The following TCERG1L variants were observed in gnomAD, a reference collection of about 807,000 sequenced individuals.
The protein encoded by TCERG1L is transcription elongation regulator 1 like.
TCERG1L carries 37 observed loss-of-function variants against 56.3 expected under a neutral mutation model. The ratio of observed to expected loss-of-function variants is 0.66; its 90% CI spans 0.51 to 0.87. The LOEUF (loss-of-function observed/expected upper bound fraction) is 0.87, where lower values mean the gene tolerates loss of function less well. Ranked by LOEUF, TCERG1L falls within the 40% of genes least tolerant of loss-of-function variation. The pLI, the probability that TCERG1L is intolerant of heterozygous loss-of-function variation, is 0.00. For synonymous variants in TCERG1L, 324 were observed against 326.3 expected (o/e 0.99, Z 0.08); for missense variants, 799 against 774.2 (o/e 1.03, Z -0.38).
At chr10:131,284,014 T>C (rs997103471) in intron 3 of TCERG1L, among the ~76,000 whole-genome samples, 4 of 151,648 alleles carry the variant, frequency 2.6e-5, no homozygotes, top group African/African-American at 7.3e-5. Context: ...TCCCAGCTAC[T>C]TGGGAGGCTG....
At chr10:131,155,497 G>C (rs755232833) in intron 6 of TCERG1L, among the ~76,000 whole-genome samples, 1 of 152,218 alleles carries the variant, frequency 6.6e-6, no homozygotes, top group Non-Finnish European at 1.5e-5. Context: ...GGTTCAGCCA[G>C]GCTCCACCCG....
At chr10:131,170,900 C>G (rs1046534359) in intron 4 of TCERG1L, among the ~76,000 whole-genome samples, 5 of 152,176 alleles carry the variant, frequency 3.3e-5, no homozygotes, top group Admixed American at 3.3e-4. Flanking sequence ...ATAATCCCAG[C>G]ACTTTGGGAG....
At chr10:131,239,679 C>T (rs1450584991) in intron 4 of TCERG1L, among the ~76,000 whole-genome samples, 1 of 152,210 alleles carries the variant, frequency 6.6e-6, no homozygotes, top group Non-Finnish European at 1.5e-5. Context: ...CCGTGAGGGC[C>T]TCAGATGCTG....
chr10:131,245,410 A>ATT (rs5789077), intron 4 of TCERG1L, among the ~76,000 whole-genome samples: 18 of 151,624 alleles, frequency 1.2e-4, no homozygotes, highest in African/African-American at 3.6e-4. Flanking sequence ...TAAAATAATA[A>ATT]TTTTTTTTTT....
At chr10:131,181,437 A>AC (rs1845174686) in intron 4 of TCERG1L, among the ~76,000 whole-genome samples, 2 of 152,242 alleles carry the variant, frequency 1.3e-5, no homozygotes, top group Non-Finnish European at 2.9e-5. Flanking sequence ...GGGGAGCATC[A>AC]CCTACCTTCT....
chr10:131,311,192 G>A lies in TCERG1L; in HGVS notation c.342+102C>T, dbSNP rs552556623. 672 of 966,800 alleles carry A rather than the reference G, an allele frequency of 7.0e-4. 3 individuals carry two copies. The African/African-American group carries it at 0.01, about 15-fold the overall frequency. 59.9% of individuals were successfully genotyped at this position (966,800 alleles called of 1,614,324 possible). ...GTTTGGGGCGGCGAGGACCGCCGGG[G>A]AGGAGGGCGCGCGAGCCGGAGGCCA... On this transcript the variant is annotated intron_variant, in intron 1 of 11. Coordinates refer to ENST00000368642, the MANE Select transcript of TCERG1L (RefSeq NM_174937.4). This position sits in a 1 kb window ranked among gnomAD's most constrained non-coding sequence, Gnocchi z 4.0.
intron 4 of TCERG1L, among the ~76,000 whole-genome samples, chr10:131,225,420 C>G (rs1264295281): frequency 6.6e-6 from 1 of 152,184 alleles, no homozygotes; most frequent in Non-Finnish European, 1.5e-5. Flanking sequence ...TTCTACCCAC[C>G]TGAGAAGGGA....
chr10:131,128,177 T>A (rs12414474), intron 8 of TCERG1L, among the ~76,000 whole-genome samples: 1 of 151,872 alleles, frequency 6.6e-6, no homozygotes, highest in South Asian at 2.1e-4. Context: ...TAAACTAGAA[T>A]GAACCCAAGA....
chr10:131,181,793 A>T (rs1025713), intron 4 of TCERG1L, among the ~76,000 whole-genome samples: 16,819 of 152,296 alleles, frequency 0.11, 1,055 homozygotes, highest in East Asian at 0.22. Flanking sequence ...GCACTTGTTC[A>T]TCCAGCGGGG....
intron 3 of TCERG1L, among the ~76,000 whole-genome samples, chr10:131,286,498 C>T (rs1229112997): frequency 1.3e-5 from 2 of 152,260 alleles, no homozygotes. Flanking sequence ...CTAGGAGTGA[C>T]TTTTTTCCCT....
intron 4 of TCERG1L, among the ~76,000 whole-genome samples, chr10:131,172,353 G>A (rs1846101391): frequency 6.6e-6 from 1 of 152,228 alleles, no homozygotes; most frequent in Admixed American, 6.5e-5. Context: ...AACAGGGAGA[G>A]AGAATTTCAC....
At chr10:131,205,375 A>T (rs1474859456) in intron 4 of TCERG1L, among the ~76,000 whole-genome samples, 1 of 152,098 alleles carries the variant, frequency 6.6e-6, no homozygotes, top group Non-Finnish European at 1.5e-5. Context: ...AAAAAAAAAA[A>T]AAAACAGCAA....
intron 4 of TCERG1L, among the ~76,000 whole-genome samples, chr10:131,188,276 G>A (rs1286967307): frequency 3.3e-5 from 5 of 152,200 alleles, no homozygotes; most frequent in Admixed American, 1.3e-4. Context: ...GTACTGAAGT[G>A]CCGCCTGACA....
chr10:131,128,295 G>A lies in TCERG1L; in HGVS notation c.1259+6084C>T, dbSNP rs190035001. ...AGCGTCAACAGCGTGCAAAGGAGGC[G>A]ACCCAGGAGGAAGCCGAGGGAGAAC... On this transcript the variant is annotated intron_variant, in intron 8 of 11. Coordinates refer to ENST00000368642, the MANE Select transcript of TCERG1L (RefSeq NM_174937.4). Among the ~76,000 whole-genome samples the A allele has an allele frequency of 9.1e-4, 138 of 152,282 alleles. 2 individuals carry two copies. The highest frequency in any genetic ancestry group is 1.2e-4 in the Non-Finnish European group (8 of 68,028).
chr10:131,258,369 T>C (rs560651544), intron 4 of TCERG1L, among the ~76,000 whole-genome samples: 1 of 152,352 alleles, frequency 6.6e-6, no homozygotes, highest in Non-Finnish European at 1.5e-5. Flanking sequence ...TTCATGGGCA[T>C]GACAGCCTTG....
intron 3 of TCERG1L, 69 bp downstream of exon 3, chr10:131,308,142 A>G (rs527268758): frequency 4.1e-5 from 56 of 1,376,064 alleles, no homozygotes; most frequent in African/African-American, 7.3e-5. Context: ...TATGGTTTTC[A>G]TATCTAAAAC....
rs902188369 is a variant in TCERG1L at position 131,112,683 on chromosome 10, C to T, written c.1395+4116G>A. On this transcript the variant is annotated intron_variant, in intron 9 of 11. Coordinates refer to ENST00000368642, the MANE Select transcript of TCERG1L (RefSeq NM_174937.4). ...CCTTGAAGATGAGGCCATTGCCTTA[C>T]GCTCAGATCCCTAAAGAAACAGTAT... Among the ~76,000 whole-genome samples the T allele has an allele frequency of 5.6e-5, 8 of 142,124 alleles. 2 individuals carry two copies. The highest frequency in any genetic ancestry group is 6.9e-5 in the Admixed American group (1 of 14,462). The allele number at this position is 142,124 out of a possible 152,430, so 93.2% of individuals were successfully genotyped here.
At chr10:131,306,588 C>T (rs1163070968) in intron 3 of TCERG1L, among the ~76,000 whole-genome samples, 1 of 152,054 alleles carries the variant, frequency 6.6e-6, no homozygotes, top group Non-Finnish European at 1.5e-5. Context: ...GTGCTTATTT[C>T]ACATTGCATG....
chr10:131,258,761 G>C (rs1160150888), intron 4 of TCERG1L, among the ~76,000 whole-genome samples: 1 of 152,174 alleles, frequency 6.6e-6, no homozygotes. Flanking sequence ...TTGCAAATTT[G>C]ATCATGGAAC....
Sources: gnomAD v4.1 joint callset for allele counts (sites outside exome capture counted in the v4.1 genomes callset) on GRCh38, gnomAD v4.1.1 for gene constraint, Gnocchi (gnomAD v3.1) non-coding constraint, MANE v1.5 for transcripts, NCBI Gene and HGNC (gene_info 2026-07-23, HGNC 2026-07-21) for gene names.